The following CCDC14 variants were observed in gnomAD, a reference collection of about 807,000 sequenced individuals.
The protein encoded by CCDC14 is coiled-coil domain containing 14, also known as coiled-coil domain-containing protein 14.
In CCDC14, 71 loss-of-function variants were observed where a neutral mutation model predicts 81.4. The observed-to-expected ratio is 0.87, with a 90% confidence interval of 0.72 to 1.06. The LOEUF is 1.06. Ranked by LOEUF, CCDC14 falls within the 50% of genes least tolerant of loss-of-function variation. The probability of loss-of-function intolerance (pLI) is 0.00; values close to 1 mark genes in which losing one functional copy is unlikely to be tolerated. For synonymous variants in CCDC14, 332 were observed against 364.8 expected (o/e 0.91, Z 1.03); for missense variants, 1,046 against 1,047.3 (o/e 1.00, Z 0.02).
chr3:123,887,468 T>TAAA, the CCDC14 span, among the ~76,000 whole-genome samples: 1 of 69,394 alleles, frequency 1.4e-5, no homozygotes, highest in African/African-American at 8.3e-5. Flanking sequence ...TGGGTTGCTA[T>TAAA]AACAACAACA....
At chr3:123,890,789 A>G in the CCDC14 span, among the ~76,000 whole-genome samples, 1 of 152,210 alleles carries the variant, frequency 6.6e-6, no homozygotes, top group East Asian at 1.9e-4. Flanking sequence ...GGTCTGGAGG[A>G]CAGTGGCCCT....
intron 9 of CCDC14, among the ~76,000 whole-genome samples, chr3:123,941,151 C>T (rs2036328921): frequency 6.6e-6 from 1 of 151,984 alleles, no homozygotes; most frequent in Non-Finnish European, 1.5e-5. Flanking sequence ...ACCCACCAAA[C>T]TCCCATCCAG....
chr3:123,898,279 C>T lies in CCDC14; in HGVS notation c.668-666G>A, dbSNP rs576694345. ...GGTTGTTGTGAGGGTTGCACAAGAG[C>T]GCACATTGCAAAGCATATCAGCAGA... On this transcript the variant is annotated intron_variant, in intron 5 of 5. Transcript: ENST00000479903. Among the ~76,000 whole-genome samples the T allele has an allele frequency of 7.2e-5, 11 of 152,314 alleles. No homozygotes were observed. In the South Asian group the frequency reaches 8.3e-4, roughly 11 times the overall value.
chr3:123,894,489 C>A (rs559762465), downstream of CCDC14, among the ~76,000 whole-genome samples: 1 of 152,216 alleles, frequency 6.6e-6, no homozygotes, highest in African/African-American at 2.4e-5. Context: ...TTTATTTCTG[C>A]AATAACATTG....
chr3:123,928,510 AAAAT>A (rs959960862), intron 12 of CCDC14, among the ~76,000 whole-genome samples: 6 of 152,158 alleles, frequency 3.9e-5, no homozygotes, highest in African/African-American at 1.4e-4. Flanking sequence ...TGTCTCAAAG[AAAAT>A]AAATAAATAA....
chr3:123,942,556 T>C (rs2036402035), intron 9 of CCDC14, among the ~76,000 whole-genome samples: 1 of 152,056 alleles, frequency 6.6e-6, no homozygotes, highest in South Asian at 2.1e-4. Flanking sequence ...AGGCTCCAGA[T>C]ACGTATATTT....
downstream of CCDC14, among the ~76,000 whole-genome samples, chr3:123,910,451 T>C (rs1284488558): frequency 6.6e-6 from 1 of 152,018 alleles, no homozygotes. Context: ...TCTTTAAATA[T>C]TGTCATAAGT....
At chr3:123,937,562 C>A (rs542393933) in intron 9 of CCDC14, among the ~76,000 whole-genome samples, 44 of 151,856 alleles carry the variant, frequency 2.9e-4, no homozygotes, top group Non-Finnish European at 4.7e-4. Context: ...CATTCTAATA[C>A]AAGTCCTTTA....
intron 5 of CCDC14, among the ~76,000 whole-genome samples, chr3:123,908,387 A>G (rs2034368008): frequency 6.6e-6 from 1 of 152,170 alleles, no homozygotes; most frequent in African/African-American, 2.4e-5. Flanking sequence ...TATGTAGTAC[A>G]CGGCAGACAG....
Position 123,933,709 on chromosome 3 carries a change from G to A in CCDC14, c.1390C>T (p.Gln464Ter), listed in dbSNP as rs1438321107. 6.3e-7 allele frequency: 1 copy of A among 1,575,274 alleles called. No individual in the cohort carries two copies. The stretch of plus-strand genomic sequence containing the variant: ...CAATCCACAGCACCAGATGGTTTTT[G>A]AGTTTTCTGTTGTTCTCTGAGTTGC... ...NQQLREQQKT[Q>*]KPSGAVDCNL... The change falls in exon 10 of 13, where the codon CAA (glutamine) becomes TAA (stop). Residue 464 changes from glutamine to a stop codon, truncating the protein, a stop_gained. Coordinates refer to ENST00000409697, the MANE Select transcript of CCDC14 (RefSeq NM_001366335.1). LOFTEE classifies it high-confidence loss of function.
In CCDC14 at chr3:123,955,854, T is replaced by C. The variant is rs1235283954; in HGVS notation, c.341A>G (p.Gln114Arg). ...GAAAAAAGGCTTACATGTTTCTTTC[T>C]GGACTACCAAAGGAATAGTATGTTT... ...HEKHTIPLVV[Q>R]KETSSSDNKK... The change falls in exon 5 of 13, where the codon CAG becomes CGG. Residue 114 changes from glutamine to arginine, a missense_variant. Transcript: ENST00000409697. The C allele has an allele frequency of 3.3e-6, 5 of 1,514,558 alleles. No individual in the cohort carries two copies. The South Asian group carries it at 5.1e-5, about 16-fold the overall frequency. The allele number at this position is 1,514,558 out of a possible 1,614,324, so 93.8% of individuals were successfully genotyped here.
chr3:123,929,412 C>A (rs1214461768), intron 12 of CCDC14, among the ~76,000 whole-genome samples: 1 of 152,170 alleles, frequency 6.6e-6, no homozygotes, highest in African/African-American at 2.4e-5. Context: ...CTGGGCTCCT[C>A]CCACTTCTGC....
At position 123,931,165 on chromosome 3, in the gene CCDC14, TG is replaced by T; in HGVS notation, c.1714del (p.Gln572ArgfsTer5). On this transcript the variant is annotated frameshift_variant, in exon 12 of 13. Transcript: ENST00000409697. LOFTEE classifies it high-confidence loss of function. Reference sequence around the variant, plus strand: ...CTGACGTAATGTTATCCCCAATATCTGGTTTTCCTTTTCAGCAGTTTCTAAC... The same window carrying T: ...CTGACGTAATGTTATCCCCAATATCTGTTTTCCTTTTCAGCAGTTTCTAAC... ...FKLETAEKENQILGITLRQRD... is the reference protein window; with the variant it reads ...FKLETAEKENXILGITLRQRD... 6.2e-7 allele frequency: 1 copy of T among 1,613,078 alleles called. No individual in the cohort carries two copies. The highest frequency in any genetic ancestry group is 1.7e-5 in the Admixed American group (1 of 59,790).
chr3:123,907,059 T>A (rs1458117327), intron 5 of CCDC14, among the ~76,000 whole-genome samples: 1 of 152,220 alleles, frequency 6.6e-6, no homozygotes, highest in African/African-American at 2.4e-5. Context: ...AAACACTTAG[T>A]CACAAACTTT....
At chr3:123,891,179 C>G in the CCDC14 span, among the ~76,000 whole-genome samples, 2 of 152,186 alleles carry the variant, frequency 1.3e-5, no homozygotes, top group Non-Finnish European at 2.9e-5. Context: ...TCCATGAAAC[C>G]ACGTTTTCCT....
chr3:123,897,644 A>G (rs2034093344), intron 5 of CCDC14: 1 of 1,038,962 alleles, frequency 9.6e-7, no homozygotes, highest in Non-Finnish European at 1.2e-6. Context: ...ACATAAATAA[A>G]TATAAACTTG....
rs144164828 is a variant in CCDC14, at chr3:123,949,016, T to G, written c.469A>C (p.Ile157Leu). The G allele has an allele frequency of 1.2e-6, 2 of 1,613,776 alleles. No homozygotes were observed. Among genetic ancestry groups the G allele is most frequent in the African/African-American group, 2.7e-5 (2 of 74,930 alleles). Residue 157 changes from isoleucine to leucine, a missense_variant, in exon 6 of 13, where the codon ATA (isoleucine) becomes CTA (leucine). Ile to Leu is a conservative substitution (Grantham distance 5). Coordinates refer to ENST00000409697, the MANE Select transcript of CCDC14 (RefSeq NM_001366335.1). ...LQDHYRMYSP[I>L]IYQALCEHVQ... ...TGCTCACAGAGGGCTTGGTATATTA[T>G]GGGTGAATACATTCTATAATGATCT...
At position 123,914,462 on chromosome 3, in the gene CCDC14, T is replaced by C. The variant is rs2034545468; in HGVS notation, c.*317A>G. On this transcript the variant is annotated 3_prime_UTR_variant, in exon 13 of 13. Coordinates refer to ENST00000409697, the MANE Select transcript of CCDC14 (RefSeq NM_001366335.1). ...TTATTTCTTAGGACAGCCACAGAAC[T>C]ATTTCAACCTGTACCCTTAATCCAG... The C allele has an allele frequency of 1.0e-6, 1 of 1,001,750 alleles. No individual in the cohort carries two copies. The highest frequency in any genetic ancestry group is 1.7e-5 in the African/African-American group (1 of 57,850). The allele number at this position is 1,001,750 out of a possible 1,614,324, so 62.1% of individuals were successfully genotyped here. A position where few individuals can be genotyped will look rare whatever the true frequency, so the allele number is the denominator to read the frequency against.
chr3:123,912,841 T>C (rs1383505532), downstream of CCDC14, among the ~76,000 whole-genome samples: 3 of 152,200 alleles, frequency 2.0e-5, no homozygotes, highest in Admixed American at 2.0e-4. Flanking sequence ...CCAAATCTTC[T>C]AATTGTGTTT....
Sources: allele counts gnomAD v4.1 joint callset (sites outside exome capture counted in the v4.1 genomes callset), GRCh38; gene constraint gnomAD v4.1.1; transcripts MANE v1.5; gene names NCBI Gene and HGNC (gene_info 2026-07-23, HGNC 2026-07-21).